LRP1B: variants seen among roughly 807,000 people sequenced by gnomAD.
LRP1B encodes LDL receptor related protein 1B.
LRP1B carries 217 observed loss-of-function variants against 556.6 expected under a neutral mutation model. That is an observed-to-expected ratio of 0.39 (90% CI 0.35 to 0.44). LRP1B has a LOEUF of 0.44. LRP1B is among the 20% of genes least tolerant of loss of function. The probability of loss-of-function intolerance (pLI) is 1.00; values close to 1 mark genes in which losing one functional copy is unlikely to be tolerated. For missense variants in LRP1B, 5,053 were observed against 5,620.8 expected (o/e 0.90, Z 3.23); for synonymous variants, 2,047 against 1,865.8 (o/e 1.10, Z -2.50).
chr2:141,719,623 A>G (rs551985726), intron 2 of LRP1B, among the ~76,000 whole-genome samples: 1 of 152,088 alleles, frequency 6.6e-6, no homozygotes, highest in Non-Finnish European at 1.5e-5. Context: ...AATAGATAGA[A>G]TGTATCCACC....
chr2:141,113,075 T>C (rs947088912), intron 7 of LRP1B, among the ~76,000 whole-genome samples: 1 of 152,150 alleles, frequency 6.6e-6, no homozygotes, highest in Non-Finnish European at 1.5e-5. Flanking sequence ...AAACCTTCTC[T>C]CTATAAAGTT....
chr2:141,918,282 T>C (rs1029770597), intron 1 of LRP1B, among the ~76,000 whole-genome samples: 1 of 151,998 alleles, frequency 6.6e-6, no homozygotes, highest in Non-Finnish European at 1.5e-5. Flanking sequence ...ACAATGAACA[T>C]GTGCTACCTA....
At chr2:141,564,684 C>G (rs1686270931) in intron 2 of LRP1B, among the ~76,000 whole-genome samples, 1 of 151,892 alleles carries the variant, frequency 6.6e-6, no homozygotes, top group African/African-American at 2.4e-5. Flanking sequence ...CTAGAAGCTC[C>G]TAAAAGCATG....
intron 1 of LRP1B, among the ~76,000 whole-genome samples, chr2:142,123,039 C>A (rs1435666915): frequency 6.6e-6 from 1 of 152,020 alleles, no homozygotes. Flanking sequence ...TATCAAAGTT[C>A]TCTTTCTTGG....
intron 2 of LRP1B, among the ~76,000 whole-genome samples, chr2:141,629,360 C>G (rs12470340): frequency 0.28 from 43,154 of 151,952 alleles, 6,408 homozygotes; most frequent in East Asian, 0.52. Flanking sequence ...TAATAAAGAG[C>G]TAAACCCCCC....
intron 41 of LRP1B, among the ~76,000 whole-genome samples, chr2:140,632,145 TG>T (rs1683909654): frequency 6.6e-6 from 1 of 152,170 alleles, no homozygotes; most frequent in Admixed American, 6.5e-5. Context: ...AAAGAAATTT[TG>T]AAGAAGTCCT....
chr2:141,337,463 G>A (rs887302459), intron 3 of LRP1B, among the ~76,000 whole-genome samples: 4 of 148,070 alleles, frequency 2.7e-5, no homozygotes, highest in African/African-American at 7.6e-5. Flanking sequence ...AGTTCTTTAT[G>A]AGATGCGGGA....
intron 1 of LRP1B, among the ~76,000 whole-genome samples, chr2:141,983,278 T>C (rs1702093534): frequency 6.6e-6 from 1 of 152,158 alleles, no homozygotes; most frequent in Admixed American, 6.5e-5. Flanking sequence ...CACACACAAA[T>C]TGGTCCCCGC....
Position 141,570,561 on chromosome 2 carries a change from C to A in LRP1B, c.206-90028G>T, listed in dbSNP as rs185547144. Among the ~76,000 whole-genome samples, 15 of 151,162 alleles carry A rather than the reference C, an allele frequency of 9.9e-5. 1 individual carries two copies. Among genetic ancestry groups the A allele is most frequent in the Admixed American group, 5.3e-4 (8 of 15,184 alleles). On this transcript the variant is annotated intron_variant, in intron 2 of 90. Coordinates refer to ENST00000389484, the MANE Select transcript of LRP1B (RefSeq NM_018557.3). ...GAGGGGTGACCAGCACTGGCTGGAG[C>A]TGTGGCTGCCTGCTATCTAAACAGT... is the stretch of plus-strand genomic sequence containing the variant.
chr2:141,206,643 T>C (rs1382750705), intron 6 of LRP1B, among the ~76,000 whole-genome samples: 1 of 151,978 alleles, frequency 6.6e-6, no homozygotes, highest in Non-Finnish European at 1.5e-5. Flanking sequence ...AAAACAATTG[T>C]AGTGGGCACC....
At chr2:141,531,263 T>C (rs1684862425) in intron 2 of LRP1B, among the ~76,000 whole-genome samples, 1 of 151,684 alleles carries the variant, frequency 6.6e-6, no homozygotes, top group African/African-American at 2.4e-5. Context: ...ACTTGATATT[T>C]ACTATATTAT....
intron 1 of LRP1B, among the ~76,000 whole-genome samples, chr2:141,907,148 G>A (rs765602983): frequency 2.0e-5 from 3 of 151,936 alleles, no homozygotes. Flanking sequence ...CTGTGTATCT[G>A]CTCTACTTAT....
At chr2:142,001,075 C>T (rs1255266432) in intron 1 of LRP1B, among the ~76,000 whole-genome samples, 1 of 152,150 alleles carries the variant, frequency 6.6e-6, no homozygotes, top group Admixed American at 6.6e-5. Flanking sequence ...CTCTTGTTCT[C>T]TCTTGCCTGC....
intron 3 of LRP1B, among the ~76,000 whole-genome samples, chr2:141,332,723 T>TA (rs1687702128): frequency 7.4e-6 from 1 of 135,490 alleles, no homozygotes; most frequent in Admixed American, 7.2e-5. Context: ...GCCTTATTTT[T>TA]TTATATATAT....
intron 47 of LRP1B, among the ~76,000 whole-genome samples, chr2:140,526,713 AAG>A (rs1690452936): frequency 1.3e-5 from 2 of 151,212 alleles, no homozygotes; most frequent in Non-Finnish European, 3.0e-5. Flanking sequence ...AAAAAAAAAA[AAG>A]AATGTTGCTG....
chr2:142,109,626 T>C lies in LRP1B; in HGVS notation c.82+21022A>G, dbSNP rs141466416. ...AATTTTGAGAATACCTATGAATTTA[T>C]CAGAAATAAAGAATTTTCAAATATC... On this transcript the variant is annotated intron_variant, in intron 1 of 90. Transcript: ENST00000389484. Among the ~76,000 whole-genome samples, 519 of 152,294 alleles carry C rather than the reference T, an allele frequency of 3.4e-3. 3 individuals are homozygous for C. The highest frequency in any genetic ancestry group is 0.011 in the African/African-American group (468 of 41,570).
At chr2:141,654,988 A>G (rs1689948250) in intron 2 of LRP1B, among the ~76,000 whole-genome samples, 1 of 152,028 alleles carries the variant, frequency 6.6e-6, no homozygotes, top group African/African-American at 2.4e-5. Flanking sequence ...AGTTTTTGCA[A>G]TTTATCAGTA....
intron 11 of LRP1B, among the ~76,000 whole-genome samples, chr2:141,023,637 T>C (rs1332461518): frequency 6.6e-6 from 1 of 152,002 alleles, no homozygotes; most frequent in Non-Finnish European, 1.5e-5. Flanking sequence ...TAAAATATAA[T>C]TGCCTCTTTT....
At chr2:141,569,135 T>A (rs1020483575) in intron 2 of LRP1B, among the ~76,000 whole-genome samples, 1 of 150,908 alleles carries the variant, frequency 6.6e-6, no homozygotes, top group African/African-American at 2.4e-5. Context: ...GGAAAGTAAA[T>A]CAGATACAGA....
Sources: gnomAD v4.1 joint callset for allele counts (sites outside exome capture counted in the v4.1 genomes callset) on GRCh38, gnomAD v4.1.1 for gene constraint, MANE v1.5 for transcripts, NCBI Gene and HGNC (gene_info 2026-07-23, HGNC 2026-07-21) for gene names.